USP7: variants seen among roughly 807,000 people sequenced by gnomAD.
The protein encoded by USP7 is ubiquitin C-terminal hydrolase 7.
A neutral mutation model predicts 162.9 loss-of-function variants in USP7; 9 were observed. The ratio of observed to expected loss-of-function variants is 0.06; its 90% CI spans 0.03 to 0.10. The LOEUF (loss-of-function observed/expected upper bound fraction) is 0.10, where lower values mean the gene tolerates loss of function less well. USP7 is among the 10% of genes least tolerant of loss of function. The pLI is 1.00. For synonymous variants in USP7, 562 were observed against 475.9 expected, an observed-to-expected ratio of 1.18 and a Z score of -2.35; for missense variants, 715 against 1,373.7, an observed-to-expected ratio of 0.52 and a Z score of 7.58.
At chr16:8,931,496 T>C (rs1407346629) in intron 1 of USP7, among the ~76,000 whole-genome samples, 1 of 152,180 alleles carries the variant, frequency 6.6e-6, no homozygotes, top group African/African-American at 2.4e-5. Context: ...CATCAAATCA[T>C]CACCCTCAAG....
chr16:8,926,506 C>A (rs1176396988), intron 2 of USP7, among the ~76,000 whole-genome samples: 11 of 151,758 alleles, frequency 7.2e-5, no homozygotes, highest in Admixed American at 6.6e-4. Flanking sequence ...GATAGGAGGG[C>A]CAAAAAAAAG....
At chr16:8,962,696 T>A in intron 1 of USP7, 1 of 198,478 alleles carries the variant, frequency 5.0e-6, no homozygotes, top group South Asian at 6.5e-5. Context: ...TTTTCGAACG[T>A]AAGCCCGACG....
At chr16:8,930,863 G>T (rs1481426943) in intron 1 of USP7, among the ~76,000 whole-genome samples, 1 of 152,000 alleles carries the variant, frequency 6.6e-6, no homozygotes, top group Non-Finnish European at 1.5e-5. Context: ...CAACTATTTG[G>T]CAGGCTGAGG....
At chr16:8,905,436 CTAGTTGAAAAAATATCCA>C in intron 13 of USP7, 105 bp from the exon 14 acceptor site, 1 of 1,408,470 alleles carries the variant, frequency 7.1e-7, no homozygotes. Flanking sequence ...AGGTATGCCC[CTAGTTGAAAAAATATCCA>C]TGTGTGTTCT....
At chr16:8,921,657 C>T (rs1312406117) in intron 3 of USP7, among the ~76,000 whole-genome samples, 3 of 152,118 alleles carry the variant, frequency 2.0e-5, no homozygotes, top group African/African-American at 4.8e-5. Context: ...CCATGCCTCT[C>T]GAGCTCTCCT....
intron 2 of USP7, 101 bp from the exon 3 acceptor site, chr16:8,923,514 C>CT (rs1897819482): frequency 1.6e-6 from 2 of 1,248,058 alleles, no homozygotes; most frequent in South Asian, 2.9e-5. Context: ...CCTGATTTAA[C>CT]TGCTAAAACC....
At chr16:8,917,402 G>T (rs573684725) in intron 6 of USP7, among the ~76,000 whole-genome samples, 1 of 152,180 alleles carries the variant, frequency 6.6e-6, no homozygotes, top group Non-Finnish European at 1.5e-5. Flanking sequence ...CACGTGACAC[G>T]AAGTCTCACT....
At chr16:8,930,973 TAA>T (rs35685543) in intron 1 of USP7, among the ~76,000 whole-genome samples, 6 of 143,598 alleles carry the variant, frequency 4.2e-5, no homozygotes, top group African/African-American at 7.8e-5. Context: ...AGTCTCAAAT[TAA>T]AAAAAAAAAA....
At chr16:8,905,432 G>A in intron 13 of USP7, 101 bp from the exon 14 acceptor site, 3 of 1,420,474 alleles carry the variant, frequency 2.1e-6, no homozygotes, top group Non-Finnish European at 2.9e-6. Context: ...TTCTAGGTAT[G>A]CCCCTAGTTG....
chr16:8,897,746 T>TATATATATAA (rs71155416), intron 25 of USP7, among the ~76,000 whole-genome samples: 2 of 103,032 alleles, frequency 1.9e-5, no homozygotes, highest in South Asian at 3.2e-4. Flanking sequence ...TATATATATA[T>TATATATATAA]AAATGAGTTG....
Position 8,893,073 on chromosome 16 carries a change from T to C in USP7, c.*925A>G, listed in dbSNP as rs942874385. 6.6e-6 allele frequency: 1 copy of C among 152,236 alleles called. No individual in the cohort carries two copies. Among genetic ancestry groups the C allele is most frequent in the Admixed American group, 6.5e-5 (1 of 15,286 alleles). The allele number at this position is 152,236 out of a possible 1,614,324, so 9.4% of individuals were successfully genotyped here. A position where few individuals can be genotyped will look rare whatever the true frequency, so the allele number is the denominator to read the frequency against. On this transcript the variant is annotated 3_prime_UTR_variant, in exon 31 of 31. Coordinates refer to ENST00000344836, the MANE Select transcript of USP7 (RefSeq NM_003470.3). ...CCAACAAAAAGGAACCTCCTCCCAG[T>C]GGCAAATTGTACATGTTCATTCATT...
At chr16:8,906,190 G>A (rs1331533142) in intron 13 of USP7, among the ~76,000 whole-genome samples, 1 of 152,232 alleles carries the variant, frequency 6.6e-6, no homozygotes, top group Non-Finnish European at 1.5e-5. Context: ...ACATATAAGG[G>A]ATTCTGTAGG....
In USP7 at chr16:8,902,494, A is replaced by G. The variant is rs2061790192; in HGVS notation, c.1840-12T>C. 1 of 1,609,676 alleles carries G rather than the reference A, an allele frequency of 6.2e-7. No individual in the cohort carries two copies. The highest frequency in any genetic ancestry group is 8.5e-7 in the Non-Finnish European group (1 of 1,176,858). On this transcript the variant is annotated splice_polypyrimidine_tract_variant and intron_variant, in intron 16 of 30. Transcript: ENST00000344836. ...TCTTGTGGAAATCCCTGAAAAAAAT[A>G]TTAAGAGTAGATTAAAATAAAAACA... is the stretch of plus-strand genomic sequence containing the variant.
rs745937604 is a variant in USP7 at position 8,915,315 on chromosome 16, A to G, written c.1017T>C (p.Tyr339=). 1.9e-6 allele frequency: 3 copies of G among 1,613,070 alleles called. No individual in the cohort carries two copies. Among genetic ancestry groups the G allele is most frequent in the African/African-American group, 2.7e-5 (2 of 74,870 alleles). The change falls in exon 10 of 31, where the codon TAT becomes TAC. Residue 339 remains tyrosine, a synonymous_variant. Coordinates refer to ENST00000344836, the MANE Select transcript of USP7 (RefSeq NM_003470.3). ...VSYIQCKEVD[Y]RSDRREDYYD... ...AATAATCTTCTCTTCTATCAGACCG[A>G]TAGTCTACTTCTTTACACTGGATAT...
chr16:8,950,263 A>G (rs1427696422), intron 1 of USP7, among the ~76,000 whole-genome samples: 6 of 152,228 alleles, frequency 3.9e-5, no homozygotes, highest in Non-Finnish European at 8.8e-5. Flanking sequence ...GAGCCTTGGT[A>G]TCTAGGCTTG....
intron 1 of USP7, among the ~76,000 whole-genome samples, chr16:8,942,360 G>T (rs62031305): frequency 0.03 from 4,547 of 152,222 alleles, 109 homozygotes; most frequent in Non-Finnish European, 0.041. Context: ...ATCAAGCAGT[G>T]GGGTCTGTCC....
intron 20 of USP7, 156 bp downstream of exon 20, chr16:8,900,834 A>C: frequency 1.2e-6 from 1 of 827,286 alleles, no homozygotes. Context: ...AAAAAAAAAA[A>C]TTCACAAATC....
chr16:8,920,012 C>T (rs900340695), intron 5 of USP7, among the ~76,000 whole-genome samples: 1 of 152,234 alleles, frequency 6.6e-6, no homozygotes, highest in Non-Finnish European at 1.5e-5. Context: ...GAGAGGACTT[C>T]CTCCCTGCCC....
chr16:8,961,439 C>A (rs924044890), intron 1 of USP7, among the ~76,000 whole-genome samples: 3 of 145,814 alleles, frequency 2.1e-5, no homozygotes, highest in Non-Finnish European at 3.0e-5. Flanking sequence ...TTGTAGTGAC[C>A]CGAGATCGCG....
Sources: gnomAD v4.1 joint callset for allele counts (sites outside exome capture counted in the v4.1 genomes callset) on GRCh38, gnomAD v4.1.1 for gene constraint, MANE v1.5 for transcripts, NCBI Gene and HGNC (gene_info 2026-07-23, HGNC 2026-07-21) for gene names.